Variants in AGBL4 observed in about 807,000 individuals in gnomAD.
The protein encoded by AGBL4 is AGBL carboxypeptidase 4.
Under a neutral mutation model 66.4 loss-of-function variants are expected in AGBL4, and 58 were observed. That is an observed-to-expected ratio of 0.87 (90% CI 0.71 to 1.09). The LOEUF is 1.09. Among genes scored for constraint, AGBL4 ranks in the 50% least tolerant of loss-of-function variants. The probability of loss-of-function intolerance (pLI) is 0.00; values close to 1 mark genes in which losing one functional copy is unlikely to be tolerated. For synonymous variants in AGBL4, 234 were observed against 222.9 expected, an observed-to-expected ratio of 1.05 and a Z score of -0.44; for missense variants, 579 against 631.0, an observed-to-expected ratio of 0.92 and a Z score of 0.88.
At chr1:48,688,013 A>G (rs953924069) in intron 6 of AGBL4, among the ~76,000 whole-genome samples, 1 of 152,184 alleles carries the variant, frequency 6.6e-6, no homozygotes, top group African/African-American at 2.4e-5. Flanking sequence ...CTTCACTAGA[A>G]TATAGGCTTT....
chr1:49,756,516 A>T (rs1005412084), intron 2 of AGBL4, among the ~76,000 whole-genome samples: 1 of 152,216 alleles, frequency 6.6e-6, no homozygotes, highest in Admixed American at 6.5e-5. Flanking sequence ...AATGACTGAT[A>T]CTTACTACTA....
chr1:49,984,779 T>C (rs947151333), intron 1 of AGBL4, among the ~76,000 whole-genome samples: 1 of 152,218 alleles, frequency 6.6e-6, no homozygotes, highest in African/African-American at 2.4e-5. Flanking sequence ...AAGCAGCTTA[T>C]GAAAGGGTAT....
At chr1:48,961,806 C>A (rs1658011230) in intron 5 of AGBL4, among the ~76,000 whole-genome samples, 1 of 152,182 alleles carries the variant, frequency 6.6e-6, no homozygotes, top group South Asian at 2.1e-4. Context: ...GCTAAGGAGG[C>A]CTGGGTCTCT....
At chr1:49,048,642 T>C (rs1644138865) in intron 4 of AGBL4, among the ~76,000 whole-genome samples, 1 of 152,128 alleles carries the variant, frequency 6.6e-6, no homozygotes, top group Non-Finnish European at 1.5e-5. Flanking sequence ...AAACGTCTCC[T>C]TCATTTGGGA....
intron 1 of AGBL4, among the ~76,000 whole-genome samples, chr1:49,957,849 G>T (rs929335190): frequency 8.5e-5 from 13 of 152,144 alleles, no homozygotes; most frequent in Non-Finnish European, 1.5e-4. Flanking sequence ...GGAGCATTTA[G>T]CCCATTTACA....
At chr1:49,977,961 G>T (rs907821682) in intron 1 of AGBL4, among the ~76,000 whole-genome samples, 6 of 151,978 alleles carry the variant, frequency 3.9e-5, no homozygotes, top group African/African-American at 1.5e-4. Context: ...CTTTAATTCT[G>T]CTGGTACATA....
At chr1:49,052,438 C>T (rs1368085031) in intron 4 of AGBL4, among the ~76,000 whole-genome samples, 1 of 152,258 alleles carries the variant, frequency 6.6e-6, no homozygotes, top group East Asian at 1.9e-4. Context: ...CTAGTCCAAG[C>T]TCTTGGTATA....
At chr1:49,491,841 C>G (rs558952004) in intron 3 of AGBL4, among the ~76,000 whole-genome samples, 2 of 151,978 alleles carry the variant, frequency 1.3e-5, no homozygotes, top group South Asian at 4.2e-4. Context: ...GGAATATGTT[C>G]CAAAACCCCC....
chr1:49,596,810 TA>T (rs1644861713), intron 3 of AGBL4, among the ~76,000 whole-genome samples: 1 of 152,186 alleles, frequency 6.6e-6, no homozygotes, highest in Admixed American at 6.5e-5. Flanking sequence ...CCATTTTCAT[TA>T]ATACCAGACT....
chr1:49,165,147 A>C lies in AGBL4; in HGVS notation c.377+80623T>G, dbSNP rs377623938. ...TTGGTGAGGTCTAGATAAGTGAGGAAGATATATGATACTTAAAGGATATAG... is the reference window on the plus strand; with the variant it reads ...TTGGTGAGGTCTAGATAAGTGAGGACGATATATGATACTTAAAGGATATAG... On this transcript the variant is annotated intron_variant, in intron 4 of 13. Transcript: ENST00000371839. Among the ~76,000 whole-genome samples, 15 of 152,176 alleles carry C rather than the reference A, an allele frequency of 9.9e-5. No homozygotes were observed. The East Asian group carries it at 1.3e-3, about 14-fold the overall frequency.
At chr1:48,964,605 T>C (rs1489010930) in intron 5 of AGBL4, among the ~76,000 whole-genome samples, 1 of 152,202 alleles carries the variant, frequency 6.6e-6, no homozygotes, top group Non-Finnish European at 1.5e-5. Flanking sequence ...TTCTCTTTTA[T>C]AGAAGTTCAG....
chr1:49,692,779 TA>T (rs1478114090), intron 3 of AGBL4, among the ~76,000 whole-genome samples: 1 of 152,098 alleles, frequency 6.6e-6, no homozygotes, highest in East Asian at 1.9e-4. Flanking sequence ...TAAACACATC[TA>T]TGTAAAAGTG....
intron 3 of AGBL4, among the ~76,000 whole-genome samples, chr1:49,288,971 A>C (rs992782749): frequency 6.6e-6 from 1 of 151,956 alleles, no homozygotes; most frequent in Non-Finnish European, 1.5e-5. Flanking sequence ...CTAAATTTAC[A>C]GACATGTCAA....
At position 49,774,020 on chromosome 1, in the gene AGBL4, C is replaced by T. The variant is rs938469990; in HGVS notation, c.158-76583G>A. ...CGTAAGCGGTAGAATGGTTTAGTGG[C>T]TACTGGCCTCAAAGCAGGACACACT... On this transcript the variant is annotated intron_variant, in intron 2 of 13. Transcript: ENST00000371839. Among the ~76,000 whole-genome samples the T allele has an allele frequency of 4.6e-5, 7 of 152,290 alleles. No homozygotes were observed. In the East Asian group the frequency reaches 9.7e-4, roughly 21 times the overall value.
At chr1:49,604,576 A>G (rs1645029247) in intron 3 of AGBL4, among the ~76,000 whole-genome samples, 1 of 152,118 alleles carries the variant, frequency 6.6e-6, no homozygotes, top group African/African-American at 2.4e-5. Flanking sequence ...TTTTAGTTCA[A>G]TTAGGTCCCA....
intron 2 of AGBL4, among the ~76,000 whole-genome samples, chr1:49,730,454 C>G (rs1200329140): frequency 2.6e-5 from 4 of 152,176 alleles, no homozygotes; most frequent in African/African-American, 9.7e-5. Context: ...AGAACTATGA[C>G]ATGCCCCCAT....
chr1:49,751,503 T>C (rs1651461213), intron 2 of AGBL4, among the ~76,000 whole-genome samples: 1 of 152,234 alleles, frequency 6.6e-6, no homozygotes, highest in Non-Finnish European at 1.5e-5. Context: ...TTGAGGATTT[T>C]CGCATAGAGA....
At chr1:49,315,787 T>C (rs896292455) in intron 3 of AGBL4, among the ~76,000 whole-genome samples, 2 of 152,052 alleles carry the variant, frequency 1.3e-5, no homozygotes, top group East Asian at 3.9e-4. Flanking sequence ...TGAAAGCTGA[T>C]GTCCACACAA....
intron 3 of AGBL4, among the ~76,000 whole-genome samples, chr1:49,464,609 A>C (rs1646585595): frequency 6.6e-6 from 1 of 151,776 alleles, no homozygotes; most frequent in Admixed American, 6.6e-5. Flanking sequence ...TTTTTAGATC[A>C]GACATTGTTG....
Sources: allele counts gnomAD v4.1 joint callset (sites outside exome capture counted in the v4.1 genomes callset), GRCh38; gene constraint gnomAD v4.1.1; transcripts MANE v1.5; gene names NCBI Gene and HGNC (gene_info 2026-07-23, HGNC 2026-07-21).